Variants in PTPRN2 observed in about 807,000 individuals in gnomAD.
The protein encoded by PTPRN2 is receptor-type tyrosine-protein phosphatase N2.
Under a neutral mutation model 118.8 loss-of-function variants are expected in PTPRN2, and 74 were observed. The observed-to-expected ratio is 0.62, with a 90% confidence interval of 0.52 to 0.76. PTPRN2 has a LOEUF of 0.76. Among genes scored for constraint, PTPRN2 ranks in the 30% least tolerant of loss-of-function variants. PTPRN2 has a pLI of 0.00. For missense variants in PTPRN2, 1,481 were observed against 1,394.4 expected, an observed-to-expected ratio of 1.06 and a Z score of -0.99; for synonymous variants, 641 against 608.0, an observed-to-expected ratio of 1.05 and a Z score of -0.80.
intron 14 of PTPRN2, among the ~76,000 whole-genome samples, chr7:157,638,669 A>T (rs77990727): frequency 3.2e-4 from 49 of 152,348 alleles, no homozygotes; most frequent in Admixed American, 2.7e-3. Flanking sequence ...GTCACACGGC[A>T]TGGGGACCAA....
chr7:157,644,319 T>C (rs1009209039), intron 14 of PTPRN2, among the ~76,000 whole-genome samples: 1 of 152,200 alleles, frequency 6.6e-6, no homozygotes, highest in African/African-American at 2.4e-5. Flanking sequence ...GAACAAGCCC[T>C]GCCTGCATTG....
intron 9 of PTPRN2, among the ~76,000 whole-genome samples, chr7:158,113,260 G>A (rs1482962564): frequency 6.6e-6 from 1 of 152,176 alleles, no homozygotes; most frequent in African/African-American, 2.4e-5. Flanking sequence ...CTGCAAGGCT[G>A]TAGGGACCTG....
At chr7:158,489,632 G>T (rs1035468923) in intron 2 of PTPRN2, 103 bp downstream of exon 2, 82 of 1,260,500 alleles carry the variant, frequency 6.5e-5, no homozygotes, top group Non-Finnish European at 8.7e-5. Flanking sequence ...GCCCCGGGCG[G>T]CCCCAGCTCC....
intron 2 of PTPRN2, among the ~76,000 whole-genome samples, chr7:158,357,675 T>C (rs896775): frequency 0.96 from 146,809 of 152,354 alleles, 70,790 homozygotes; most frequent in African/African-American, 0.99. Context: ...AGCAAGCCTG[T>C]AGCAGCCACT....
chr7:158,553,495 C>T (rs1355403936), intron 1 of PTPRN2, among the ~76,000 whole-genome samples: 1 of 151,148 alleles, frequency 6.6e-6, no homozygotes, highest in Non-Finnish European at 1.5e-5. Flanking sequence ...CCTGTCTACA[C>T]CACCTTAACT....
intron 6 of PTPRN2, among the ~76,000 whole-genome samples, chr7:158,144,359 C>T (rs773326167): frequency 1.2e-4 from 18 of 152,198 alleles, no homozygotes; most frequent in Middle Eastern, 3.4e-3. Context: ...AGACATCAGC[C>T]GGACGCGGTG....
chr7:157,646,631 G>A (rs1225633951), intron 14 of PTPRN2, among the ~76,000 whole-genome samples: 2 of 152,202 alleles, frequency 1.3e-5, no homozygotes, highest in Admixed American at 6.5e-5. Context: ...TTGCACAGGG[G>A]AGGCTGGGTC....
At chr7:158,070,594 T>TTA (rs1175777522) in intron 11 of PTPRN2, among the ~76,000 whole-genome samples, 6 of 31,192 alleles carry the variant, frequency 1.9e-4, no homozygotes, top group Non-Finnish European at 2.9e-4. Flanking sequence ...TGGAGGTGCC[T>TTA]GTGGTGGAGG....
At chr7:158,171,010 CACAT>C (rs1224916511) in intron 5 of PTPRN2, among the ~76,000 whole-genome samples, 4 of 146,904 alleles carry the variant, frequency 2.7e-5, no homozygotes, top group Non-Finnish European at 4.5e-5. Context: ...TATATATATA[CACAT>C]ACATATATAT....
intron 12 of PTPRN2, among the ~76,000 whole-genome samples, chr7:157,858,076 AACCCCGTCACCACCCACACTCCT>A (rs1417297319): frequency 2.3e-5 from 3 of 131,578 alleles, no homozygotes; most frequent in African/African-American, 5.7e-5. Flanking sequence ...CTGCAGGGAG[AACCCCGTCACCACCCACACTCCT>A]GCAGGGAGAG....
intron 12 of PTPRN2, among the ~76,000 whole-genome samples, chr7:157,832,346 C>T (rs546613366): frequency 1.4e-4 from 22 of 152,282 alleles, no homozygotes; most frequent in African/African-American, 5.1e-4. Context: ...CTCCGACAGG[C>T]GGCACTAATC....
chr7:158,502,147 C>G (rs1196855861), intron 1 of PTPRN2, among the ~76,000 whole-genome samples: 4 of 152,210 alleles, frequency 2.6e-5, no homozygotes, highest in Non-Finnish European at 5.9e-5. Context: ...ACAAGAAGAA[C>G]TGGCTTGCTC....
chr7:158,567,807 AC>A (rs1164328063), intron 1 of PTPRN2, among the ~76,000 whole-genome samples: 2 of 152,078 alleles, frequency 1.3e-5, no homozygotes, highest in Non-Finnish European at 2.9e-5. Context: ...CAAATGGTGA[AC>A]CCCCATCTCA....
At chr7:158,501,702 T>C (rs1318085171) in intron 1 of PTPRN2, among the ~76,000 whole-genome samples, 2 of 152,174 alleles carry the variant, frequency 1.3e-5, no homozygotes, top group Non-Finnish European at 2.9e-5. Flanking sequence ...CAGCGGCCTT[T>C]TCTGTGTAGC....
chr7:157,846,323 T>C (rs1808797129), intron 12 of PTPRN2, among the ~76,000 whole-genome samples: 2 of 152,180 alleles, frequency 1.3e-5, no homozygotes, highest in South Asian at 4.1e-4. Flanking sequence ...CTTGATTCTA[T>C]GAACCTAAGA....
chr7:158,389,459 G>C (rs1811754428), intron 2 of PTPRN2, among the ~76,000 whole-genome samples: 1 of 152,238 alleles, frequency 6.6e-6, no homozygotes, highest in South Asian at 2.1e-4. Flanking sequence ...GGTCATTGAA[G>C]AATGAAAAAC....
chr7:158,524,541 A>C lies in PTPRN2; in HGVS notation c.113-34756T>G, dbSNP rs185422833. Reference sequence around the variant, plus strand: ...TGGAGTGGAGTCTGCCCTGGAGTGGAGTCTGCCCTGGAGTGGAGGGAAGTG... The same window carrying C: ...TGGAGTGGAGTCTGCCCTGGAGTGGCGTCTGCCCTGGAGTGGAGGGAAGTG... On this transcript the variant is annotated intron_variant, in intron 1 of 22. Transcript: ENST00000389418. Among the ~76,000 whole-genome samples, 582 of 149,188 alleles carry C rather than the reference A, an allele frequency of 3.9e-3. 4 individuals are homozygous for C. Among genetic ancestry groups the C allele is most frequent in the African/African-American group, 0.014 (558 of 40,544 alleles).
chr7:157,576,528 G>C, intron 19 of PTPRN2, 85 bp downstream of exon 19: 2 of 1,339,020 alleles, frequency 1.5e-6, no homozygotes, highest in Non-Finnish European at 9.9e-7. Context: ...CTCGGCGCCA[G>C]GGGCGTCTCA....
intron 12 of PTPRN2, among the ~76,000 whole-genome samples, chr7:157,823,390 C>T (rs948871828): frequency 6.6e-6 from 1 of 152,228 alleles, no homozygotes; most frequent in East Asian, 1.9e-4. Flanking sequence ...AAAAAATTAA[C>T]ACCTAGTACT....
Sources: gnomAD v4.1 joint callset for allele counts (sites outside exome capture counted in the v4.1 genomes callset) on GRCh38, gnomAD v4.1.1 for gene constraint, MANE v1.5 for transcripts, NCBI Gene and HGNC (gene_info 2026-07-23, HGNC 2026-07-21) for gene names.